MATK: variants seen among roughly 807,000 people sequenced by gnomAD.
MATK encodes megakaryocyte-associated tyrosine-protein kinase.
MATK carries 41 observed loss-of-function variants against 59.8 expected under a neutral mutation model. That is an observed-to-expected ratio of 0.69 (90% confidence interval 0.53 to 0.89). MATK has a LOEUF of 0.89. Among genes scored for constraint, MATK ranks in the 40% least tolerant of loss-of-function variants. The pLI is 0.00. For missense variants in MATK, 593 were observed against 719.6 expected, an observed-to-expected ratio of 0.82 and a Z score of 2.01; for synonymous variants, 308 against 306.1, an observed-to-expected ratio of 1.01 and a Z score of -0.06.
intron 1 of MATK, among the ~76,000 whole-genome samples, chr19:3,800,879 G>C (rs751446715): frequency 2.2e-4 from 34 of 151,744 alleles, no homozygotes; most frequent in Non-Finnish European, 4.1e-4. Flanking sequence ...ATGTATTTTT[G>C]AGACAGAGTG....
chr19:3,784,969 G>A (rs1386488510), intron 2 of MATK, 85 bp from the exon 3 acceptor site: 2 of 1,435,090 alleles, frequency 1.4e-6, no homozygotes, highest in East Asian at 2.3e-5. Context: ...TCAGGTGGGG[G>A]CGATGGCTGG....
intron 1 of MATK, among the ~76,000 whole-genome samples, 152 bp from the exon 2 acceptor site, chr19:3,785,438 C>A (rs921325777): frequency 6.6e-5 from 10 of 152,084 alleles, no homozygotes; most frequent in African/African-American, 2.2e-4. Flanking sequence ...CTGATCCCCC[C>A]CCAAACCCAG....
In MATK at chr19:3,783,135, G is replaced by C; in HGVS notation, c.667C>G (p.Leu223Val). The part of the protein sequence containing the change: ...KHGTKSAEEE[L>V]ARAGWLLNLQ... ...CCTGGGCGTCCCCTACCCCTGGCCA[G>C]CTCCTCCTCGGCCGACTTGGTCCCG... Residue 223 changes from leucine (L) to valine (V), a missense_variant, in exon 7 of 14, where the codon CTG becomes GTG. Leu to Val is a conservative substitution (Grantham distance 32, BLOSUM62 1). Coordinates refer to ENST00000310132, the MANE Select transcript of MATK (RefSeq NM_139355.3). The C allele has an allele frequency of 6.2e-7, 1 of 1,613,986 alleles. No homozygotes were observed. Among genetic ancestry groups the C allele is most frequent in the East Asian group, 2.2e-5 (1 of 44,878 alleles).
Position 3,778,312 on chromosome 19 carries a change from G to C in MATK, c.1395C>G (p.Pro465=). 1 of 1,576,170 alleles carries C rather than the reference G, an allele frequency of 6.3e-7. No individual in the cohort carries two copies. Among genetic ancestry groups the C allele is most frequent in the Non-Finnish European group, 8.6e-7 (1 of 1,165,288 alleles). Residue 465 remains proline (P), a synonymous_variant, in exon 14 of 14, where the codon CCC becomes CCG. Coordinates refer to ENST00000310132, the MANE Select transcript of MATK (RefSeq NM_139355.3). ...GTTTGCGGAAGGGTGGCCGGCGGGC[G>C]GGCTCTGCCTCCCAGCAGCTGCTCA... ...VLMSSCWEAE[P]ARRPPFRKLA...
chr19:3,778,475 C>A (rs545463059), intron 13 of MATK, 34 bp downstream of exon 13: 2 of 1,613,722 alleles, frequency 1.2e-6, no homozygotes, highest in Non-Finnish European at 1.7e-6. Context: ...TGGACCTGCC[C>A]GGAACCCAGT....
At chr19:3,795,268 A>C (rs1272467153) in intron 1 of MATK, among the ~76,000 whole-genome samples, 3 of 139,278 alleles carry the variant, frequency 2.2e-5, no homozygotes, top group Non-Finnish European at 4.6e-5. Flanking sequence ...TGAGCCACCA[A>C]GCCTGGCCTT....
At position 3,778,128 on chromosome 19, in the gene MATK, C is replaced by T. The variant is rs1319289568; in HGVS notation, c.*55G>A. 16 of 1,519,422 alleles carry T rather than the reference C, an allele frequency of 1.1e-5. No homozygotes were observed. The highest frequency in any genetic ancestry group is 4.2e-5 in the African/African-American group (3 of 71,332). The allele number at this position is 1,519,422 out of a possible 1,614,324, so 94.1% of individuals were successfully genotyped here. ...TCCTTGGGCCTGGTCAGTGCCCCCACGCCGCACTCTCCACTCTCTCGGTCC... is the reference window on the plus strand; with the variant it reads ...TCCTTGGGCCTGGTCAGTGCCCCCATGCCGCACTCTCCACTCTCTCGGTCC... On this transcript the variant is annotated 3_prime_UTR_variant, in exon 14 of 14. Transcript: ENST00000310132.
At chr19:3,782,998 TCC>T (rs1443613506) in intron 7 of MATK, 126 bp downstream of exon 7, 3 of 795,296 alleles carry the variant, frequency 3.8e-6, no homozygotes. Context: ...AGGTCTTCTA[TCC>T]CATAGCTGGG....
At chr19:3,789,721 C>CTTTT (rs34795629), upstream of MATK, among the ~76,000 whole-genome samples, 20 of 86,506 alleles carry the variant, frequency 2.3e-4, no homozygotes, top group African/African-American at 7.3e-4. Flanking sequence ...GGCAACTTTG[C>CTTTT]TTTTTTTTTT....
In MATK at chr19:3,778,141, ACT is replaced by A; in HGVS notation, c.*40_*41del. 4 of 1,523,742 alleles carry A rather than the reference ACT, an allele frequency of 2.6e-6. No individual in the cohort carries two copies. Among genetic ancestry groups the A allele is most frequent in the East Asian group, 4.9e-5 (2 of 40,624 alleles). 94.4% of individuals were successfully genotyped at this position (1,523,742 alleles called of 1,614,324 possible). A position where few individuals can be genotyped will look rare whatever the true frequency, so the allele number is the denominator to read the frequency against. On this transcript the variant is annotated 3_prime_UTR_variant, in exon 14 of 14. Transcript: ENST00000310132. The stretch of plus-strand genomic sequence containing the variant: ...TCAGTGCCCCCACGCCGCACTCTCC[ACT>A]CTCTCGGTCCTCTGGGGCCAAGGGC...
intron 1 of MATK, among the ~76,000 whole-genome samples, chr19:3,795,868 T>C (rs1249466506): frequency 6.6e-6 from 1 of 150,612 alleles, no homozygotes; most frequent in Non-Finnish European, 1.5e-5. Flanking sequence ...TTCAAGCTAT[T>C]CTCCTGCCTC....
In MATK at chr19:3,779,796, A is replaced by AGCTG; in HGVS notation, c.743-3_743dup (p.Val249SerfsTer6). 6.5e-7 allele frequency: 1 copy of AGCTG among 1,549,212 alleles called. No homozygotes were observed. The stretch of plus-strand genomic sequence containing the variant: ...GCCCCAGGTACTCACCCTGCAGGAC[A>AGCTG]GCTGGGGGGTGGGGGTGGGGAACGG... On this transcript the variant is annotated frameshift_variant and splice_region_variant, in exon 9 of 14. Coordinates refer to ENST00000310132, the MANE Select transcript of MATK (RefSeq NM_139355.3). LOFTEE classifies it high-confidence loss of function.
chr19:3,787,893 A>G (rs891822000), upstream of MATK, among the ~76,000 whole-genome samples: 2 of 151,662 alleles, frequency 1.3e-5, no homozygotes, highest in Non-Finnish European at 2.9e-5. Context: ...AGCTATATTA[A>G]GGAACATTAT....
chr19:3,788,930 A>G (rs1429200749), upstream of MATK, among the ~76,000 whole-genome samples: 1 of 152,114 alleles, frequency 6.6e-6, no homozygotes, highest in East Asian at 1.9e-4. Flanking sequence ...ACCTCAGGTG[A>G]TCTACCAATG....
upstream of MATK, among the ~76,000 whole-genome samples, chr19:3,790,984 A>G (rs539602457): frequency 3.0e-4 from 45 of 152,254 alleles, 1 homozygote; most frequent in South Asian, 8.9e-3. Flanking sequence ...AGAGACACTG[A>G]ATCCCAAGGG....
rs987406943 is a variant in MATK, at chr19:3,786,064, G to C, written c.-152+105C>G. 5.2e-6 allele frequency: 2 copies of C among 383,814 alleles called. No homozygotes were observed. The highest frequency in any genetic ancestry group is 2.2e-5 in the African/African-American group (1 of 45,754). The allele number at this position is 383,814 out of a possible 1,614,324, so 23.8% of individuals were successfully genotyped here. ...GGACGCGCACACTCGCGCACACACC[G>C]GCCCTTCCTGCGCACGTCCCGGGCC... On this transcript the variant is annotated intron_variant, in intron 1 of 13. Coordinates refer to ENST00000310132, the MANE Select transcript of MATK (RefSeq NM_139355.3). This position sits in a 1 kb window ranked among gnomAD's most constrained non-coding sequence, Gnocchi z 4.1.
chr19:3,786,122 C>G lies in MATK; in HGVS notation c.-152+47G>C, dbSNP rs982708499. Reference sequence around the variant, plus strand: ...GCCTAGAGCCCTCGGGGTTTCCCCCCACCCCGGCCTCGGGGTCTCTCCACG... The same window carrying G: ...GCCTAGAGCCCTCGGGGTTTCCCCCGACCCCGGCCTCGGGGTCTCTCCACG... On this transcript the variant is annotated intron_variant, in intron 1 of 13. Coordinates refer to ENST00000310132, the MANE Select transcript of MATK (RefSeq NM_139355.3). The surrounding 1 kb of genome is among the most constrained non-coding windows in gnomAD (Gnocchi z 4.1). The G allele has an allele frequency of 3.5e-6, 3 of 866,070 alleles. No homozygotes were observed. The highest frequency in any genetic ancestry group is 5.2e-5 in the South Asian group (1 of 19,064). The allele number at this position is 866,070 out of a possible 1,614,324, so 53.6% of individuals were successfully genotyped here. A position where few individuals can be genotyped will look rare whatever the true frequency, so the allele number is the denominator to read the frequency against.
At chr19:3,793,113 C>T (rs895234593) in intron 1 of MATK, 1 of 152,278 alleles carries the variant, frequency 6.6e-6, no homozygotes, top group Non-Finnish European at 1.5e-5. Context: ...TTCTCGATTC[C>T]TTGAACGAAG....
chr19:3,782,080 G>A (rs2037409821), intron 7 of MATK, among the ~76,000 whole-genome samples: 1 of 151,904 alleles, frequency 6.6e-6, no homozygotes, highest in African/African-American at 2.4e-5. Context: ...TGGCTCTCTT[G>A]TCCCTCCAAA....
Sources: gnomAD v4.1 joint callset for allele counts (sites outside exome capture counted in the v4.1 genomes callset) on GRCh38, gnomAD v4.1.1 for gene constraint, Gnocchi (gnomAD v3.1) non-coding constraint, MANE v1.5 for transcripts, NCBI Gene and HGNC (gene_info 2026-07-23, HGNC 2026-07-21) for gene names.